Variants in NCOA3 observed in about 807,000 individuals in gnomAD.
NCOA3 encodes the protein CBP-interacting protein.
In NCOA3, 51 loss-of-function variants were observed where a neutral mutation model predicts 158.8. That is an observed-to-expected ratio of 0.32 (90% CI 0.26 to 0.41). The LOEUF (loss-of-function observed/expected upper bound fraction) is 0.41, where lower values mean the gene tolerates loss of function less well. Ranked by LOEUF, NCOA3 falls within the 10% of genes least tolerant of loss-of-function variation. The probability of loss-of-function intolerance (pLI) is 1.00; values close to 1 mark genes in which losing one functional copy is unlikely to be tolerated. For synonymous variants in NCOA3, 537 were observed against 592.4 expected, an observed-to-expected ratio of 0.91 and a Z score of 1.36; for missense variants, 1,510 against 1,746.6, an observed-to-expected ratio of 0.86 and a Z score of 2.41.
Position 47,637,669 on chromosome 20 carries a change from C to G in NCOA3, c.2398C>G (p.Leu800Val), listed in dbSNP as rs748185903. Residue 800 changes from leucine (L) to valine (V), a missense_variant, in exon 13 of 23, where the codon CTA becomes GTA. This residue lies in a region of NCOA3 where 1,017 missense variants were observed against 1,098.3 expected (regional missense o/e 0.93). Transcript: ENST00000371998. ...SEEGSGDLDN[L>V]DAILGDLTSS... The stretch of plus-strand genomic sequence containing the variant: ...TCAGGGATCTGGAGACTTGGATAAT[C>G]TAGATGCTATTCTTGGTGATCTGAC... The G allele has an allele frequency of 1.2e-6, 2 of 1,606,544 alleles. No homozygotes were observed. Among genetic ancestry groups the G allele is most frequent in the Admixed American group, 3.4e-5 (2 of 58,544 alleles).
intron 1 of NCOA3, among the ~76,000 whole-genome samples, chr20:47,547,128 C>T (rs79855636): frequency 0.017 from 2,599 of 152,212 alleles, 79 homozygotes; most frequent in African/African-American, 0.059. Context: ...AAAGCATATG[C>T]TCCACAAGAA....
At chr20:47,573,522 G>A (rs1351190294) in intron 1 of NCOA3, among the ~76,000 whole-genome samples, 1 of 152,186 alleles carries the variant, frequency 6.6e-6, no homozygotes, top group African/African-American at 2.4e-5. Flanking sequence ...GGCATACAAA[G>A]TGAGCAAATG....
chr20:47,528,421 A>G (rs922074321), intron 1 of NCOA3, among the ~76,000 whole-genome samples: 32 of 152,186 alleles, frequency 2.1e-4, no homozygotes, highest in Admixed American at 2.0e-3. Flanking sequence ...CTATGAATAT[A>G]TTGGTCTGGT....
intron 2 of NCOA3, among the ~76,000 whole-genome samples, chr20:47,618,367 T>C (rs2086175304): frequency 1.4e-5 from 2 of 144,024 alleles, no homozygotes; most frequent in South Asian, 4.5e-4. Flanking sequence ...TTTTTTTTTT[T>C]TTTATAGACA....
chr20:47,552,561 A>G (rs1568676411), intron 1 of NCOA3, among the ~76,000 whole-genome samples: 1 of 152,186 alleles, frequency 6.6e-6, no homozygotes, highest in Non-Finnish European at 1.5e-5. Context: ...TTGCAGGTAG[A>G]TAGTAGATCT....
At chr20:47,645,729 G>T (rs576951448) in intron 17 of NCOA3, among the ~76,000 whole-genome samples, 2 of 152,266 alleles carry the variant, frequency 1.3e-5, no homozygotes, top group African/African-American at 4.8e-5. Flanking sequence ...CTTCAGCCAG[G>T]CATGATGGTG....
intron 1 of NCOA3, among the ~76,000 whole-genome samples, chr20:47,534,156 A>G (rs2084596207): frequency 2.0e-5 from 3 of 152,038 alleles, no homozygotes; most frequent in Admixed American, 6.6e-5. Flanking sequence ...GCATAATTCA[A>G]AAGTTTTTGG....
At chr20:47,570,931 A>AATATATAT (rs74178746) in intron 1 of NCOA3, among the ~76,000 whole-genome samples, 22 of 119,996 alleles carry the variant, frequency 1.8e-4, no homozygotes, top group African/African-American at 7.0e-4. Flanking sequence ...AATGAGCAGT[A>AATATATAT]ATATATATAC....
rs775583331 is a variant in NCOA3 at position 47,636,309 on chromosome 20, C to A, written c.1923C>A (p.Pro641=). ...DRGHSSLTNS[P]LDSSCKESSV... is the part of the protein sequence containing the mutation. ...GTCATTCCTCCTTGACCAACTCCCC[C>A]CTAGATTCAAGTTGTAAAGAATCTT... Residue 641 remains proline (P), a synonymous_variant, in exon 12 of 23, where the codon CCC becomes CCA. Coordinates refer to ENST00000371998, the MANE Select transcript of NCOA3 (RefSeq NM_181659.3). 4.3e-6 allele frequency: 7 copies of A among 1,614,144 alleles called. No individual in the cohort carries two copies. In the South Asian group the frequency reaches 6.6e-5, roughly 15 times the overall value.
At chr20:47,646,323 A>T (rs542423596) in intron 17 of NCOA3, among the ~76,000 whole-genome samples, 1 of 152,298 alleles carries the variant, frequency 6.6e-6, no homozygotes, top group African/African-American at 2.4e-5. Flanking sequence ...GAATGTTTTC[A>T]GTCCCCTGTT....
At chr20:47,557,457 C>A (rs926306344) in intron 1 of NCOA3, among the ~76,000 whole-genome samples, 4 of 152,180 alleles carry the variant, frequency 2.6e-5, no homozygotes, top group Non-Finnish European at 5.9e-5. Flanking sequence ...CTTAAGGCCG[C>A]ATAACTAGTA....
At chr20:47,581,788 CTGTTTATA>C (rs1231084418) in intron 1 of NCOA3, among the ~76,000 whole-genome samples, 2 of 152,294 alleles carry the variant, frequency 1.3e-5, no homozygotes, top group Non-Finnish European at 1.5e-5. Context: ...CAAAAGCCTG[CTGTTTATA>C]TGTTCATGTG....
In NCOA3 at chr20:47,653,509, C is replaced by T; in HGVS notation, c.*92C>T. The stretch of plus-strand genomic sequence containing the variant: ...AGGAATCATTGTTCCAGGCATCCAT[C>T]TTGGAAGAAAGGACCAGCTTTGAGC... On this transcript the variant is annotated 3_prime_UTR_variant, in exon 23 of 23. Coordinates refer to ENST00000371998, the MANE Select transcript of NCOA3 (RefSeq NM_181659.3). 2 of 1,460,964 alleles carry T rather than the reference C, an allele frequency of 1.4e-6. No individual in the cohort carries two copies. Among genetic ancestry groups the T allele is most frequent in the South Asian group, 1.2e-5 (1 of 82,360 alleles). The allele number at this position is 1,460,964 out of a possible 1,614,324, so 90.5% of individuals were successfully genotyped here.
At chr20:47,526,357 G>T (rs1338328109) in intron 1 of NCOA3, among the ~76,000 whole-genome samples, 3 of 151,978 alleles carry the variant, frequency 2.0e-5, no homozygotes, top group Non-Finnish European at 4.4e-5. Context: ...CCCAGACGGG[G>T]TGGCGGCCGG....
chr20:47,617,806 C>G (rs2086163441), intron 2 of NCOA3, among the ~76,000 whole-genome samples: 1 of 152,192 alleles, frequency 6.6e-6, no homozygotes, highest in South Asian at 2.1e-4. Flanking sequence ...GTTTGCTCTA[C>G]TTTGCTTTTT....
intron 1 of NCOA3, among the ~76,000 whole-genome samples, chr20:47,506,055 T>C (rs1234066073): frequency 6.6e-6 from 1 of 152,144 alleles, no homozygotes; most frequent in Non-Finnish European, 1.5e-5. Context: ...TCCTCCTGCT[T>C]TGGCCTTCCA....
chr20:47,641,881 G>A (rs989908637), intron 16 of NCOA3, among the ~76,000 whole-genome samples: 6 of 151,670 alleles, frequency 4.0e-5, no homozygotes, highest in Non-Finnish European at 5.9e-5. Context: ...CACTGTTTTT[G>A]TGAGGAGTAT....
chr20:47,513,682 C>T (rs962040980), intron 1 of NCOA3, among the ~76,000 whole-genome samples: 14 of 136,744 alleles, frequency 1.0e-4, no homozygotes, highest in African/African-American at 3.3e-4. Context: ...GCCAAGATCG[C>T]GCCACTACAC....
intron 1 of NCOA3, among the ~76,000 whole-genome samples, chr20:47,568,671 C>T (rs2085239778): frequency 1.3e-5 from 2 of 151,764 alleles, no homozygotes. Context: ...TGGTGTGTGC[C>T]GGTAATCCCA....
Sources: gnomAD v4.1 joint callset for allele counts (sites outside exome capture counted in the v4.1 genomes callset) on GRCh38, gnomAD v4.1.1 for gene constraint, gnomAD v4.1.1 regional missense constraint, MANE v1.5 for transcripts, NCBI Gene and HGNC (gene_info 2026-07-23, HGNC 2026-07-21) for gene names.